The following SYNPR variants were observed in gnomAD, a reference collection of about 807,000 sequenced individuals.
SYNPR encodes synaptoporin.
A neutral mutation model predicts 32.9 loss-of-function variants in SYNPR; 23 were observed. The ratio of observed to expected loss-of-function variants is 0.70; its 90% CI spans 0.50 to 0.99. The LOEUF (loss-of-function observed/expected upper bound fraction) is 0.99. Among genes scored for constraint, SYNPR ranks in the 50% least tolerant of loss-of-function variants. The pLI is 0.00. For missense variants in SYNPR, 318 were observed against 349.3 expected (o/e 0.91, Z 0.71); for synonymous variants, 146 against 135.9 (o/e 1.07, Z -0.52).
intron 4 of SYNPR, among the ~76,000 whole-genome samples, chr3:63,582,208 G>C (rs547113340): frequency 2.6e-5 from 4 of 152,080 alleles, no homozygotes; most frequent in African/African-American, 2.4e-5. Context: ...AGCACTTAAC[G>C]GGGGAGCTCT....
intron 4 of SYNPR, among the ~76,000 whole-genome samples, chr3:63,598,548 G>A (rs369940238): frequency 6.6e-6 from 1 of 152,112 alleles, no homozygotes; most frequent in Admixed American, 6.6e-5. Context: ...TTTGGGTACC[G>A]ATTGAGATGA....
intron 2 of SYNPR, among the ~76,000 whole-genome samples, chr3:63,429,115 ATGTT>A (rs1363631081): frequency 2.0e-5 from 3 of 152,164 alleles, no homozygotes; most frequent in Non-Finnish European, 4.4e-5. Context: ...TTTTCTTTGT[ATGTT>A]TGTTATTTCA....
chr3:63,244,268 T>A (rs1246611852), intron 1 of SYNPR, among the ~76,000 whole-genome samples: 1 of 152,080 alleles, frequency 6.6e-6, no homozygotes, highest in African/African-American at 2.4e-5. Flanking sequence ...GTAGATATGC[T>A]GGATCTTATC....
At chr3:63,580,014 A>T (rs949918525) in intron 4 of SYNPR, among the ~76,000 whole-genome samples, 2 of 152,176 alleles carry the variant, frequency 1.3e-5, no homozygotes, top group African/African-American at 4.8e-5. Flanking sequence ...TAGCCATTAT[A>T]TGACCCAATT....
intron 2 of SYNPR, among the ~76,000 whole-genome samples, chr3:63,452,266 G>A (rs1013395755): frequency 6.6e-6 from 1 of 152,182 alleles, no homozygotes; most frequent in Non-Finnish European, 1.5e-5. Context: ...CGTAAGACTT[G>A]CAATCTAGTC....
At chr3:63,312,750 A>T (rs1021598150) in intron 2 of SYNPR, among the ~76,000 whole-genome samples, 1 of 151,900 alleles carries the variant, frequency 6.6e-6, no homozygotes, top group African/African-American at 2.4e-5. Context: ...ACTCTTTTGC[A>T]CTAAGCTCCC....
At chr3:63,258,402 T>C (rs2086407030) in intron 2 of SYNPR, among the ~76,000 whole-genome samples, 1 of 152,126 alleles carries the variant, frequency 6.6e-6, no homozygotes, top group Non-Finnish European at 1.5e-5. Context: ...AAACTAGAAC[T>C]CAGGATTAAG....
rs115064823 is a variant in SYNPR, at chr3:63,527,317, G to C, written c.210-29226G>C. Among the ~76,000 whole-genome samples the C allele has an allele frequency of 3.4e-3, 517 of 152,164 alleles. 1 individual carries two copies. Among genetic ancestry groups the C allele is most frequent in the African/African-American group, 0.012 (498 of 41,504 alleles). ...ATGATAGTGTCCATGTCCTCATGGAGAGGAGATCCTAGGAGACATCTCTAC... is the reference window on the plus strand; with the variant it reads ...ATGATAGTGTCCATGTCCTCATGGACAGGAGATCCTAGGAGACATCTCTAC... On this transcript the variant is annotated intron_variant, in intron 3 of 5. Transcript: ENST00000478300.
intron 2 of SYNPR, among the ~76,000 whole-genome samples, chr3:63,464,958 T>A (rs913697353): frequency 6.6e-6 from 1 of 152,058 alleles, no homozygotes; most frequent in African/African-American, 2.4e-5. Context: ...AGTGCTGGAG[T>A]TGATGGGATA....
intron 2 of SYNPR, among the ~76,000 whole-genome samples, chr3:63,283,273 G>C (rs565512341): frequency 4.2e-4 from 64 of 152,262 alleles, no homozygotes; most frequent in African/African-American, 1.5e-3. Context: ...TCTTTCCTTA[G>C]GAAGGGTTCA....
chr3:63,366,379 A>G (rs1175984153), intron 2 of SYNPR, among the ~76,000 whole-genome samples: 1 of 152,214 alleles, frequency 6.6e-6, no homozygotes, highest in Non-Finnish European at 1.5e-5. Flanking sequence ...AGAATTAAAT[A>G]ATTTCACTAT....
At position 63,587,233 on chromosome 3, in the gene SYNPR, C is replaced by T. The variant is rs115905897; in HGVS notation, c.409-21892C>T. 6.9e-3 allele frequency among the ~76,000 whole-genome samples: 1,052 copies of T among 152,178 alleles called. 14 individuals carry two copies. Among genetic ancestry groups the T allele is most frequent in the African/African-American group, 0.024 (987 of 41,516 alleles). On this transcript the variant is annotated intron_variant, in intron 4 of 5. Coordinates refer to ENST00000478300, the MANE Select transcript of SYNPR (RefSeq NM_001130003.2). Reference sequence around the variant, plus strand: ...ATTGCACTGTCTTCACCATCATCATCACGATCATTAATGCAACAGCTAAAA... The same window carrying T: ...ATTGCACTGTCTTCACCATCATCATTACGATCATTAATGCAACAGCTAAAA...
intron 2 of SYNPR, among the ~76,000 whole-genome samples, chr3:63,262,901 CCTT>C (rs1560172335): frequency 1.3e-5 from 2 of 152,190 alleles, no homozygotes; most frequent in East Asian, 3.8e-4. Context: ...CTGCAATACA[CCTT>C]CTCTTTTCTC....
intron 3 of SYNPR, among the ~76,000 whole-genome samples, chr3:63,549,559 T>A (rs1162273864): frequency 6.6e-6 from 1 of 152,110 alleles, no homozygotes; most frequent in Admixed American, 6.6e-5. Context: ...TGAAGAGAGT[T>A]GTTATGAGCA....
rs1700164319 is a variant in SYNPR, at chr3:63,609,232, G to T, written c.516G>T (p.Leu172Phe). The change falls in exon 5 of 6, where the codon TTG (leucine) becomes TTT (phenylalanine). Residue 172 changes from leucine to phenylalanine, a missense_variant. Physicochemically the swap from Leu to Phe is conservative, Grantham distance 22. Transcript: ENST00000478300. Reference sequence around the variant, plus strand: ...TTGCAACGGATCCCAAGGAAGTATTGCTACTAATGTCAGCTTGCAAACAGC... The same window carrying T: ...TTGCAACGGATCCCAAGGAAGTATTTCTACTAATGTCAGCTTGCAAACAGC... The part of the protein sequence containing the change: ...VKVATDPKEV[L>F]LLMSACKQPS... 2.5e-6 allele frequency: 4 copies of T among 1,608,420 alleles called. No homozygotes were observed. The African/African-American group carries it at 5.3e-5, about 21-fold the overall frequency.
intron 2 of SYNPR, chr3:63,444,270 C>T (rs928531673): frequency 3.3e-4 from 51 of 152,262 alleles, no homozygotes; most frequent in African/African-American, 1.2e-3. Flanking sequence ...AAATGCATTA[C>T]CTGGTTAGCT....
chr3:63,278,764 G>C (rs1477470106), intron 2 of SYNPR, 22 bp downstream of exon 2: 3 of 1,551,090 alleles, frequency 1.9e-6, no homozygotes, highest in Non-Finnish European at 2.6e-6. Context: ...TGTGTGTGCA[G>C]GGAGGGGCGC....
intron 3 of SYNPR, among the ~76,000 whole-genome samples, chr3:63,271,954 T>A (rs1021516227): frequency 6.6e-6 from 1 of 151,756 alleles, no homozygotes; most frequent in Non-Finnish European, 1.5e-5. Context: ...GGCCTAGGGG[T>A]TCAAAGAGAA....
In SYNPR at chr3:63,582,330, G is replaced by T. The variant is rs1703107034; in HGVS notation, c.408+25589G>T. Among the ~76,000 whole-genome samples the T allele has an allele frequency of 2.0e-5, 3 of 151,934 alleles. No individual in the cohort carries two copies. In the South Asian group the frequency reaches 6.2e-4, roughly 32 times the overall value. On this transcript the variant is annotated intron_variant, in intron 4 of 5. Coordinates refer to ENST00000478300, the MANE Select transcript of SYNPR (RefSeq NM_001130003.2). ...TTATGAAGAACCTTCGCTTTTTTTA[G>T]TAGCTAATTCCTTTTTCTCATCAAC...
Sources: gnomAD v4.1 joint callset for allele counts (sites outside exome capture counted in the v4.1 genomes callset) on GRCh38, gnomAD v4.1.1 for gene constraint, MANE v1.5 for transcripts, NCBI Gene and HGNC (gene_info 2026-07-23, HGNC 2026-07-21) for gene names.